The following SCN3A variants were observed in gnomAD, a reference collection of about 807,000 sequenced individuals.
SCN3A encodes sodium voltage-gated channel alpha subunit 3, also known as sodium channel protein type 3 subunit alpha.
Under a neutral mutation model 187.6 loss-of-function variants are expected in SCN3A, and 60 were observed. The ratio of observed to expected loss-of-function variants is 0.32; its 90% CI spans 0.26 to 0.40. The LOEUF is 0.40. Among genes scored for constraint, SCN3A ranks in the 10% least tolerant of loss-of-function variants. The pLI is 1.00. For synonymous variants in SCN3A, 788 were observed against 829.2 expected, an observed-to-expected ratio of 0.95 and a Z score of 0.85; for missense variants, 1,601 against 2,428.2, an observed-to-expected ratio of 0.66 and a Z score of 7.16.
intron 23 of SCN3A, 123 bp downstream of exon 23, chr2:165,097,129 G>T: frequency 2.2e-6 from 2 of 907,952 alleles, no homozygotes; most frequent in Non-Finnish European, 3.4e-6. Flanking sequence ...GATATTATAG[G>T]TGTTATCATT....
chr2:165,164,630 A>G, intron 5 of SCN3A, 110 bp from the exon 6 acceptor site: 1 of 1,225,060 alleles, frequency 8.2e-7, no homozygotes, highest in Non-Finnish European at 1.2e-6. Flanking sequence ...TCATTAAAAT[A>G]TTGTTCCTTA....
At chr2:165,126,600 G>GTTCT (rs1687010000) in intron 18 of SCN3A, among the ~76,000 whole-genome samples, 1 of 86,692 alleles carries the variant, frequency 1.2e-5, no homozygotes, top group South Asian at 4.3e-4. Flanking sequence ...CCCTCCCTTC[G>GTTCT]TTCCTTCCTT....
intron 3 of SCN3A, among the ~76,000 whole-genome samples, chr2:165,174,144 A>G (rs1690295898): frequency 6.6e-6 from 1 of 152,180 alleles, no homozygotes; most frequent in Admixed American, 6.5e-5. Context: ...CCTGACCTCA[A>G]GCAATCCTCC....
rs1559250489 is a variant in SCN3A, at chr2:165,163,636, T to C, written c.676A>G (p.Thr226Ala). The part of the protein sequence containing the change: ...RTFRVLRALK[T>A]ISVIPGLKTI... ...CTCTCACCTGGAATGACTGAAATTG[T>C]TTTCAGTGCTCGGAGAACTCTGAAT... The change falls in exon 7 of 28, where the codon ACA becomes GCA. Residue 226 changes from threonine to alanine, a missense_variant. Coordinates refer to ENST00000283254, the MANE Select transcript of SCN3A (RefSeq NM_006922.4). The C allele has an allele frequency of 6.2e-7, 1 of 1,614,040 alleles. No individual in the cohort carries two copies. The highest frequency in any genetic ancestry group is 8.5e-7 in the Non-Finnish European group (1 of 1,179,958).
intron 2 of SCN3A, among the ~76,000 whole-genome samples, chr2:165,185,882 ATT>A (rs1691196417): frequency 6.6e-6 from 1 of 152,182 alleles, no homozygotes; most frequent in East Asian, 1.9e-4. Flanking sequence ...CATAGATCCA[ATT>A]ACCAAATAAA....
At chr2:165,164,902 C>T (rs970055579) in intron 5 of SCN3A, among the ~76,000 whole-genome samples, 5 of 151,972 alleles carry the variant, frequency 3.3e-5, no homozygotes, top group Admixed American at 6.6e-5. Flanking sequence ...AGCAAGTCAA[C>T]GTATTTTTTA....
chr2:165,139,628 G>A lies in SCN3A; in HGVS notation c.2020-20C>T. The A allele has an allele frequency of 6.2e-7, 1 of 1,613,460 alleles. No individual in the cohort carries two copies. Among genetic ancestry groups the A allele is most frequent in the Non-Finnish European group, 8.5e-7 (1 of 1,179,646 alleles). On this transcript the variant is annotated intron_variant, in intron 13 of 27. Transcript: ENST00000283254. ...GGTGCCCTGCAAACCAAATACTGATGGCTCAAACCACTCTTCCCAATAAGT... is the reference window on the plus strand; with the variant it reads ...GGTGCCCTGCAAACCAAATACTGATAGCTCAAACCACTCTTCCCAATAAGT...
At chr2:165,199,264 C>CT (rs1041101390) in intron 1 of SCN3A, among the ~76,000 whole-genome samples, 6 of 151,982 alleles carry the variant, frequency 3.9e-5, no homozygotes, top group African/African-American at 1.4e-4. Flanking sequence ...ATTTCTCTAA[C>CT]TTTGCTCCAG....
In SCN3A at chr2:165,090,062, G is replaced by A; in HGVS notation, c.*88C>T. The A allele has an allele frequency of 1.3e-6, 2 of 1,533,612 alleles. No individual in the cohort carries two copies. Among genetic ancestry groups the A allele is most frequent in the Non-Finnish European group, 8.8e-7 (1 of 1,140,716 alleles). On this transcript the variant is annotated 3_prime_UTR_variant, in exon 28 of 28. Transcript: ENST00000283254. The surrounding 1 kb of genome is among the most constrained non-coding windows in gnomAD (Gnocchi z 4.0). The stretch of plus-strand genomic sequence containing the variant: ...TTTGTTAAAACAGTCAGTTTGGCAT[G>A]GACCTCCTCTTGAAGTCCAGTTGAC...
chr2:165,137,335 C>T (rs1413535005), intron 15 of SCN3A, among the ~76,000 whole-genome samples: 1 of 152,118 alleles, frequency 6.6e-6, no homozygotes, highest in Non-Finnish European at 1.5e-5. Context: ...TTTTGATTAG[C>T]ACACATAGAC....
intron 9 of SCN3A, among the ~76,000 whole-genome samples, chr2:165,161,722 A>G (rs1689409476): frequency 6.6e-6 from 1 of 152,252 alleles, no homozygotes; most frequent in Non-Finnish European, 1.5e-5. Flanking sequence ...TGACTAAGAT[A>G]TTATGGCATC....
intron 2 of SCN3A, among the ~76,000 whole-genome samples, chr2:165,179,306 G>A (rs536098807): frequency 6.6e-6 from 1 of 152,252 alleles, no homozygotes; most frequent in South Asian, 2.1e-4. Context: ...TATCATTGAG[G>A]CACCTCAACA....
At chr2:165,160,333 A>G (rs1452204967) in intron 9 of SCN3A, among the ~76,000 whole-genome samples, 2 of 152,176 alleles carry the variant, frequency 1.3e-5, no homozygotes, top group Admixed American at 1.3e-4. Flanking sequence ...TACACAATAA[A>G]TGTAACGTGC....
rs754565168 is a variant in SCN3A at position 165,162,663 on chromosome 2, A to G, written c.860T>C (p.Phe287Ser). ...CLQWPPSDSA[F>S]ETNTTSYFNG... ...AAAGTAGGAAGTGGTGTTGGTTTCA[A>G]AAGCAGAATCGCTTGGGGGCCACTG... The change falls in exon 8 of 28, where the codon TTT (phenylalanine) becomes TCT (serine). Residue 287 changes from phenylalanine to serine, a missense_variant. By Grantham distance (155) the Phe-to-Ser change is radical. This residue lies in a region of SCN3A where 104 missense variants were observed against 102.7 expected (regional missense o/e 1.01). Transcript: ENST00000283254. 6.2e-7 allele frequency: 1 copy of G among 1,614,178 alleles called. No homozygotes were observed. The highest frequency in any genetic ancestry group is 1.1e-5 in the South Asian group (1 of 91,078).
rs188446030 is a variant in SCN3A, at chr2:165,201,849, C to T, written c.-248+1974G>A. Among the ~76,000 whole-genome samples the T allele has an allele frequency of 5.9e-5, 9 of 152,130 alleles. No homozygotes were observed. In the East Asian group the frequency reaches 1.5e-3, roughly 26 times the overall value. Reference sequence around the variant, plus strand: ...TATCTTAATTAAGCTGAGAAACCAACTGAAGAAAAATCCAAATAAATGAGG... The same window carrying T: ...TATCTTAATTAAGCTGAGAAACCAATTGAAGAAAAATCCAAATAAATGAGG... On this transcript the variant is annotated intron_variant, in intron 1 of 27. Transcript: ENST00000283254.
chr2:165,175,758 A>G (rs1690412525), intron 3 of SCN3A, among the ~76,000 whole-genome samples: 1 of 152,180 alleles, frequency 6.6e-6, no homozygotes, highest in African/African-American at 2.4e-5. Flanking sequence ...CTAAAAAATA[A>G]TTAAGTACAA....
At chr2:165,172,570 C>T (rs940208410) in intron 3 of SCN3A, among the ~76,000 whole-genome samples, 1 of 152,138 alleles carries the variant, frequency 6.6e-6, no homozygotes, top group African/African-American at 2.4e-5. Context: ...AAAAAGCTCA[C>T]CGTAATTTAA....
In SCN3A at chr2:165,127,735, G is replaced by A; in HGVS notation, c.3289C>T (p.Pro1097Ser). The change falls in exon 18 of 28, where the codon CCC (proline) becomes TCC (serine). Residue 1097 changes from proline to serine, a missense_variant. Physicochemically the swap from Pro to Ser is moderately conservative, Grantham distance 74 (BLOSUM62 -1). Transcript: ENST00000283254. The part of the protein sequence containing the change: ...ENDYMSFINN[P>S]SLTVTVPIAV... ...ATTGGCACTGTGACGGTGAGGCTGG[G>A]GTTGTTTATGAATGACATATAATCA... 6.2e-7 allele frequency: 1 copy of A among 1,614,070 alleles called. No homozygotes were observed. The highest frequency in any genetic ancestry group is 1.1e-5 in the South Asian group (1 of 91,076).
chr2:165,145,587 A>G (rs777429234), intron 12 of SCN3A, among the ~76,000 whole-genome samples: 4 of 152,052 alleles, frequency 2.6e-5, no homozygotes, highest in Non-Finnish European at 5.9e-5. Context: ...TACATATTAA[A>G]GATAGATTAT....
Sources: allele counts gnomAD v4.1 joint callset (sites outside exome capture counted in the v4.1 genomes callset), GRCh38; gene constraint gnomAD v4.1.1; regional missense constraint gnomAD v4.1.1; non-coding constraint Gnocchi (gnomAD v3.1); transcripts MANE v1.5; gene names NCBI Gene and HGNC (gene_info 2026-07-23, HGNC 2026-07-21).